The following CTBP2 variants were observed in gnomAD, a reference collection of about 807,000 sequenced individuals.
CTBP2 encodes C-terminal-binding protein 2.
A neutral mutation model predicts 80.3 loss-of-function variants in CTBP2; 30 were observed. The observed-to-expected ratio is 0.37, with a 90% CI of 0.28 to 0.51. CTBP2 has a LOEUF of 0.51. Ranked by LOEUF, CTBP2 falls within the 20% of genes least tolerant of loss-of-function variation. The probability of loss-of-function intolerance (pLI) is 0.93; values close to 1 mark genes in which losing one functional copy is unlikely to be tolerated. For synonymous variants in CTBP2, 594 were observed against 587.4 expected, an observed-to-expected ratio of 1.01 and a Z score of -0.16; for missense variants, 1,212 against 1,375.3, an observed-to-expected ratio of 0.88 and a Z score of 1.88.
intron 2 of CTBP2, among the ~76,000 whole-genome samples, chr10:125,089,439 A>C (rs1160187816): frequency 6.6e-6 from 1 of 152,196 alleles, no homozygotes; most frequent in African/African-American, 2.4e-5. Context: ...GGGGGAGCAC[A>C]GGTGTCTAGG....
intron 2 of CTBP2, among the ~76,000 whole-genome samples, 173 bp from the exon 3 acceptor site, chr10:125,039,328 C>G (rs183764936): frequency 6.6e-6 from 1 of 152,248 alleles, no homozygotes; most frequent in Admixed American, 6.5e-5. Context: ...GCATCTCAGC[C>G]GCCTCCTGCT....
intron 2 of CTBP2, among the ~76,000 whole-genome samples, chr10:125,108,018 A>G (rs1851713866): frequency 6.6e-6 from 1 of 152,282 alleles, no homozygotes; most frequent in Admixed American, 6.5e-5. Context: ...ACAACAAAAT[A>G]GTACTAAAAA....
intron 2 of CTBP2, among the ~76,000 whole-genome samples, chr10:125,063,999 G>A (rs571750369): frequency 9.9e-5 from 15 of 152,110 alleles, no homozygotes; most frequent in South Asian, 4.1e-4. Context: ...AGAGGCCATC[G>A]TAATTTAATT....
intron 4 of CTBP2, 84 bp from the exon 7 acceptor site, chr10:124,994,767 C>A: frequency 7.2e-7 from 1 of 1,384,618 alleles, no homozygotes; most frequent in Non-Finnish European, 1.0e-6. Flanking sequence ...GAGCTGAGTC[C>A]GGGCTTGGCA....
At chr10:125,005,982 T>C in intron 1 of CTBP2, 1 of 1,458,078 alleles carries the variant, frequency 6.9e-7, no homozygotes, top group East Asian at 2.4e-5. Context: ...GAGCCGCTGA[T>C]GCGTCTGGGG....
In CTBP2 at chr10:125,027,406, A is replaced by G. The variant is rs2134708959; in HGVS notation, c.354T>C (p.Ala118=). 1 of 1,613,830 alleles carries G rather than the reference A, an allele frequency of 6.2e-7. No individual in the cohort carries two copies. Among genetic ancestry groups the G allele is most frequent in the East Asian group, 2.2e-5 (1 of 44,874 alleles). Residue 118 remains alanine (A), a synonymous_variant, in exon 1 of 9, where the codon GCT becomes GCC. Coordinates refer to ENST00000309035, the MANE Select transcript of CTBP2 (RefSeq NM_022802.3). ...AGAGGGGAGGCTCTTTGGGTACCCT[A>G]GCAGCTCCAGACGGATCACTGTAGT...
chr10:125,134,698 G>A (rs1856692678), intron 1 of CTBP2, among the ~76,000 whole-genome samples: 1 of 152,148 alleles, frequency 6.6e-6, no homozygotes, highest in African/African-American at 2.4e-5. Context: ...GACCAATGAG[G>A]GAGGGTGAAG....
At chr10:125,103,167 A>G (rs1428642401) in intron 2 of CTBP2, among the ~76,000 whole-genome samples, 1 of 152,120 alleles carries the variant, frequency 6.6e-6, no homozygotes, top group Non-Finnish European at 1.5e-5. Flanking sequence ...GTCTGCAGAA[A>G]ACACTCCCAG....
chr10:125,030,440 C>A (rs1049874813), upstream of CTBP2, among the ~76,000 whole-genome samples: 4 of 152,220 alleles, frequency 2.6e-5, no homozygotes, highest in Non-Finnish European at 5.9e-5. Context: ...GAGATCCAGA[C>A]AATTCCAGAG....
intron 1 of CTBP2, among the ~76,000 whole-genome samples, chr10:125,019,536 G>C (rs577523224): frequency 6.6e-6 from 1 of 151,904 alleles, no homozygotes; most frequent in Non-Finnish European, 1.5e-5. Context: ...GAAGTCTGGC[G>C]TGAAGCTCTA....
chr10:125,143,772 G>C (rs1858260722), intron 1 of CTBP2, among the ~76,000 whole-genome samples: 1 of 152,128 alleles, frequency 6.6e-6, no homozygotes, highest in African/African-American at 2.4e-5. Flanking sequence ...AAAACAGATA[G>C]GTATTCTTCA....
chr10:125,017,390 T>G (rs1031812236), intron 1 of CTBP2, among the ~76,000 whole-genome samples: 1 of 152,210 alleles, frequency 6.6e-6, no homozygotes, highest in Admixed American at 6.5e-5. Flanking sequence ...AGTGTGATTC[T>G]TCTATGTGAT....
exon 3 of CTBP2, chr10:125,039,079 A>C (rs752226990): frequency 6.2e-7 from 1 of 1,609,138 alleles, no homozygotes; most frequent in Non-Finnish European, 8.5e-7. Context: ...TGCAACTCTC[A>C]GATCAAAAGG....
At chr10:125,030,035 G>A (rs889977957), upstream of CTBP2, among the ~76,000 whole-genome samples, 1 of 151,930 alleles carries the variant, frequency 6.6e-6, no homozygotes, top group Admixed American at 6.6e-5. Context: ...ACCCAAACTC[G>A]CACAGCCTTG....
intron 2 of CTBP2, among the ~76,000 whole-genome samples, chr10:125,105,587 A>G (rs1851328760): frequency 6.6e-6 from 1 of 152,110 alleles, no homozygotes; most frequent in Admixed American, 6.6e-5. Flanking sequence ...GCCCCTTTAC[A>G]CTTGAACCTG....
chr10:125,073,904 C>T (rs188658650), intron 2 of CTBP2, among the ~76,000 whole-genome samples: 1 of 152,316 alleles, frequency 6.6e-6, no homozygotes, highest in East Asian at 1.9e-4. Context: ...TTTCCCAGGA[C>T]GGTCTGTTCT....
At chr10:125,139,618 G>A (rs1438673663) in intron 1 of CTBP2, among the ~76,000 whole-genome samples, 1 of 152,066 alleles carries the variant, frequency 6.6e-6, no homozygotes, top group African/African-American at 2.4e-5. Context: ...GCATGTAATA[G>A]CAAAAGCTAC....
chr10:125,024,309 CATT>C (rs1388040322), intron 1 of CTBP2, among the ~76,000 whole-genome samples: 6 of 152,224 alleles, frequency 3.9e-5, no homozygotes, highest in Non-Finnish European at 7.3e-5. Flanking sequence ...TGGGGTGGAT[CATT>C]TAACAGAGAC....
chr10:125,019,124 C>A (rs539966902), intron 1 of CTBP2, among the ~76,000 whole-genome samples: 2 of 152,198 alleles, frequency 1.3e-5, no homozygotes, highest in Non-Finnish European at 2.9e-5. Flanking sequence ...AGCAGTTCCT[C>A]CCTCCCACTG....
Sources: gnomAD v4.1 joint callset for allele counts (sites outside exome capture counted in the v4.1 genomes callset) on GRCh38, gnomAD v4.1.1 for gene constraint, MANE v1.5 for transcripts, NCBI Gene and HGNC (gene_info 2026-07-23, HGNC 2026-07-21) for gene names.